The following UGT1A3 variants were observed in gnomAD, a reference collection of about 807,000 sequenced individuals.
The protein encoded by UGT1A3 is UDP glucuronosyltransferase family 1 member A3.
A neutral mutation model predicts 41.0 loss-of-function variants in UGT1A3; 31 were observed. That is an observed-to-expected ratio of 0.76 (90% confidence interval 0.57 to 1.02). The LOEUF (loss-of-function observed/expected upper bound fraction) is 1.02. Ranked by LOEUF, UGT1A3 falls within the 50% of genes least tolerant of loss-of-function variation. The probability of loss-of-function intolerance (pLI) is 0.00; values close to 1 mark genes in which losing one functional copy is unlikely to be tolerated. For synonymous variants in UGT1A3, 262 were observed against 257.6 expected (o/e 1.02, Z -0.17); for missense variants, 737 against 671.0 (o/e 1.10, Z -1.09).
intron 1 of UGT1A3, among the ~76,000 whole-genome samples, chr2:233,738,050 G>C (rs1314850811): frequency 6.6e-6 from 1 of 152,082 alleles, no homozygotes; most frequent in Non-Finnish European, 1.5e-5. Flanking sequence ...TTGAGGACAG[G>C]ACATGGTGGG....
chr2:233,764,353 C>G (rs556692571), intron 1 of UGT1A3, among the ~76,000 whole-genome samples: 23 of 152,240 alleles, frequency 1.5e-4, no homozygotes, highest in Non-Finnish European at 2.8e-4. Flanking sequence ...CTTTATTGAG[C>G]CTCATAGTAG....
intron 1 of UGT1A3, chr2:233,761,148 C>G: frequency 6.2e-7 from 1 of 1,614,128 alleles, no homozygotes; most frequent in South Asian, 1.1e-5. Flanking sequence ...ATCCACTATC[C>G]CAGGTGTGTA....
intron 2 of UGT1A3, 53 bp downstream of exon 2, chr2:233,767,218 C>A: frequency 6.2e-7 from 1 of 1,611,886 alleles, no homozygotes; most frequent in South Asian, 1.1e-5. Context: ...GAGCGCTAAT[C>A]CCAGACTTCC....
At chr2:233,768,945 T>C (rs1365506143) in intron 4 of UGT1A3, among the ~76,000 whole-genome samples, 1 of 152,204 alleles carries the variant, frequency 6.6e-6, no homozygotes, top group Admixed American at 6.5e-5. Context: ...TTCTTTAGTT[T>C]CTATATAATT....
chr2:233,772,941 C>G lies in UGT1A3; in HGVS notation c.*382C>G. The G allele has an allele frequency of 3.0e-6, 1 of 336,190 alleles. No homozygotes were observed. The highest frequency in any genetic ancestry group is 5.5e-6 in the Non-Finnish European group (1 of 182,010). The allele number at this position is 336,190 out of a possible 1,614,324, so 20.8% of individuals were successfully genotyped here. A position where few individuals can be genotyped will look rare whatever the true frequency, so the allele number is the denominator to read the frequency against. ...TGGCAGTTTTAATCTTATCTTTTGG[C>G]TTCTGCAGATGGTTGCAATTGATCC... is the stretch of plus-strand genomic sequence containing the variant. On this transcript the variant is annotated 3_prime_UTR_variant, in exon 5 of 5. Coordinates refer to ENST00000482026, the MANE Select transcript of UGT1A3 (RefSeq NM_019093.4).
intron 1 of UGT1A3, among the ~76,000 whole-genome samples, chr2:233,749,359 C>G (rs189942106): frequency 6.6e-6 from 1 of 151,920 alleles, no homozygotes; most frequent in East Asian, 1.9e-4. Flanking sequence ...TAAATAGTGA[C>G]TCTTGCCCTT....
Position 233,760,623 on chromosome 2 carries a change from A to G in UGT1A3, c.868-6411A>G, listed in dbSNP as rs181505697. ...CTTTCCTGCAGCGTGTGATCAAAAC[A>G]TACAAGAAAATAAAAAAGGACTCTG... On this transcript the variant is annotated intron_variant, in intron 1 of 4. Transcript: ENST00000482026. 5 of 1,614,198 alleles carry G rather than the reference A, an allele frequency of 3.1e-6. No homozygotes were observed. In the African/African-American group the frequency reaches 6.7e-5, roughly 22 times the overall value.
At chr2:233,754,354 C>G in intron 1 of UGT1A3, 1 of 263,180 alleles carries the variant, frequency 3.8e-6, no homozygotes, top group Admixed American at 5.0e-5. Flanking sequence ...AAATTGCATA[C>G]AGATATTTAC....
chr2:233,762,605 G>T (rs1247129136), intron 1 of UGT1A3, among the ~76,000 whole-genome samples: 1 of 152,120 alleles, frequency 6.6e-6, no homozygotes, highest in Non-Finnish European at 1.5e-5. Flanking sequence ...TATTCCAGGA[G>T]TTTTGTTGTT....
At position 233,747,438 on chromosome 2, in the gene UGT1A3, A is replaced by G; in HGVS notation, c.867+17445A>G. The G allele has an allele frequency of 1.2e-6, 2 of 1,608,812 alleles. 1 individual carries two copies. On this transcript the variant is annotated intron_variant, in intron 1 of 4. Transcript: ENST00000482026. ...GCACATCAAACAAGAGAAATTTTTC[A>G]CCCTGACAACCTATGCCATTTCATG...
chr2:233,733,746 G>A (rs1211480286), intron 1 of UGT1A3, among the ~76,000 whole-genome samples: 2 of 152,164 alleles, frequency 1.3e-5, no homozygotes, highest in Admixed American at 6.5e-5. Context: ...TGTTCATCAG[G>A]GATATTTGTC....
intron 1 of UGT1A3, among the ~76,000 whole-genome samples, chr2:233,752,746 AAAAC>A (rs200752387): frequency 3.8e-4 from 58 of 152,306 alleles, no homozygotes; most frequent in East Asian, 2.5e-3. Context: ...CCCTGTCTCT[AAAAC>A]AAACAAACAA....
chr2:233,769,154 T>C lies in UGT1A3; in HGVS notation c.1307+715T>C, dbSNP rs528869254. ...CAGCTTTTTGCAGCACTGGAACCTG[T>C]GAGAAATTTTGTCCATGGAGTTTAT... On this transcript the variant is annotated intron_variant, in intron 4 of 4. Coordinates refer to ENST00000482026, the MANE Select transcript of UGT1A3 (RefSeq NM_019093.4). This position sits in a 1 kb window ranked among gnomAD's most constrained non-coding sequence, Gnocchi z 4.4. Among the ~76,000 whole-genome samples the C allele has an allele frequency of 1.3e-5, 2 of 152,310 alleles. No individual in the cohort carries two copies. Among genetic ancestry groups the C allele is most frequent in the South Asian group, 4.1e-4 (2 of 4,822 alleles).
In UGT1A3 at chr2:233,772,247, T is replaced by C. The variant is rs192933567; in HGVS notation, c.1308-15T>C. The C allele has an allele frequency of 3.1e-6, 5 of 1,614,090 alleles. No individual in the cohort carries two copies. In the African/African-American group the frequency reaches 5.3e-5, roughly 17 times the overall value. On this transcript the variant is annotated splice_polypyrimidine_tract_variant and intron_variant, in intron 4 of 4. Transcript: ENST00000482026. ...ACAGGTGTTCCAGGCATAACGAAAC[T>C]GTCTTTGTGTTTAGTTACAAGGAGA...
intron 1 of UGT1A3, among the ~76,000 whole-genome samples, chr2:233,736,830 T>C (rs917006233): frequency 6.6e-6 from 1 of 152,234 alleles, no homozygotes; most frequent in African/African-American, 2.4e-5. Flanking sequence ...TGCTCTTTGC[T>C]TTGGTATCAC....
At position 233,764,188 on chromosome 2, in the gene UGT1A3, A is replaced by G. The variant is rs1395608589; in HGVS notation, c.868-2846A>G. ...TCAGAACAGGGAAATTCTCTCATTCAGGGGCATCTCATCTTTTCTTTGAAG... is the reference window on the plus strand; with the variant it reads ...TCAGAACAGGGAAATTCTCTCATTCGGGGGCATCTCATCTTTTCTTTGAAG... On this transcript the variant is annotated intron_variant, in intron 1 of 4. Transcript: ENST00000482026. Among the ~76,000 whole-genome samples, 3 of 152,296 alleles carry G rather than the reference A, an allele frequency of 2.0e-5. No individual in the cohort carries two copies. The East Asian group carries it at 5.8e-4, about 29-fold the overall frequency.
Position 233,747,171 on chromosome 2 carries a change from A to G in UGT1A3, c.867+17178A>G, listed in dbSNP as rs1693579128. The G allele has an allele frequency of 1.1e-5, 18 of 1,596,132 alleles. No homozygotes were observed. In the South Asian group the frequency reaches 1.8e-4, roughly 16 times the overall value. ...GATGAAGAAAACAAATGTAGGAGGC[A>G]CAGCGTGGGGTGGACAGTCAGCTGT... On this transcript the variant is annotated intron_variant, in intron 1 of 4. Coordinates refer to ENST00000482026, the MANE Select transcript of UGT1A3 (RefSeq NM_019093.4).
chr2:233,757,560 A>ATATATATATATATATATATATATATGTG (rs904896556), intron 1 of UGT1A3, among the ~76,000 whole-genome samples: 2 of 123,156 alleles, frequency 1.6e-5, no homozygotes, highest in African/African-American at 6.8e-5. Context: ...ATATATATAT[A>ATATATATATATATATATATATATATGTG]TGTATATATG....
Position 233,768,357 on chromosome 2 carries a change from G to A in UGT1A3, c.1225G>A (p.Gly409Arg). Residue 409 changes from glycine (G) to arginine (R), a missense_variant, in exon 4 of 5, where the codon GGA becomes AGA. By Grantham distance (125) the Gly-to-Arg change is moderately radical. Transcript: ENST00000482026. ...CAATGCAAAGCGCATGGAGACTAAG[G>A]GAGCTGGAGTGACCCTGAATGTTCT... ...MDNAKRMETK[G>R]AGVTLNVLEM... 6 of 1,614,142 alleles carry A rather than the reference G, an allele frequency of 3.7e-6. No homozygotes were observed. The highest frequency in any genetic ancestry group is 5.1e-6 in the Non-Finnish European group (6 of 1,180,032).
Sources: allele counts gnomAD v4.1 joint callset (sites outside exome capture counted in the v4.1 genomes callset), GRCh38; gene constraint gnomAD v4.1.1; non-coding constraint Gnocchi (gnomAD v3.1); transcripts MANE v1.5; gene names NCBI Gene and HGNC (gene_info 2026-07-23, HGNC 2026-07-21).